Variants in ADAMTS2 observed in about 807,000 individuals in gnomAD.
ADAMTS2 encodes A disintegrin and metalloproteinase with thrombospondin motifs 2.
ADAMTS2 carries 50 observed loss-of-function variants against 123.0 expected under a neutral mutation model. The ratio of observed to expected loss-of-function variants is 0.41; its 90% CI spans 0.32 to 0.51. The LOEUF (loss-of-function observed/expected upper bound fraction) is 0.51. Ranked by LOEUF, ADAMTS2 falls within the 20% of genes least tolerant of loss-of-function variation. The pLI is 0.35. For missense variants in ADAMTS2, 1,494 were observed against 1,705.2 expected (o/e 0.88, Z 2.18); for synonymous variants, 678 against 695.4 (o/e 0.98, Z 0.39).
chr5:179,235,382 G>A (rs552857335), intron 3 of ADAMTS2, among the ~76,000 whole-genome samples: 135 of 152,358 alleles, frequency 8.9e-4, no homozygotes, highest in Non-Finnish European at 1.5e-3. Flanking sequence ...GAAATGCTCA[G>A]GGTGTGTGGG....
intron 1 of ADAMTS2, among the ~76,000 whole-genome samples, chr5:179,344,635 G>A (rs1757886739): frequency 6.6e-6 from 1 of 152,230 alleles, no homozygotes; most frequent in South Asian, 2.1e-4. Context: ...CCGGAGCGGC[G>A]GAGTCTCGGC....
At chr5:179,213,951 G>A (rs1764917933) in intron 3 of ADAMTS2, among the ~76,000 whole-genome samples, 1 of 152,218 alleles carries the variant, frequency 6.6e-6, no homozygotes, top group South Asian at 2.1e-4. Context: ...GGTAGGGATA[G>A]AAACTATTTG....
Position 179,111,272 on chromosome 5 carries a change from G to T in ADAMTS2, c.*2595C>A, listed in dbSNP as rs188054405. 1 of 152,200 alleles carries T rather than the reference G, an allele frequency of 6.6e-6. No homozygotes were observed. Among genetic ancestry groups the T allele is most frequent in the Admixed American group, 6.5e-5 (1 of 15,276 alleles). The allele number at this position is 152,200 out of a possible 1,614,324, so 9.4% of individuals were successfully genotyped here. A position where few individuals can be genotyped will look rare whatever the true frequency, so the allele number is the denominator to read the frequency against. On this transcript the variant is annotated 3_prime_UTR_variant, in exon 22 of 22. Transcript: ENST00000251582. ...GCGGAAGGTCTGAGTCTCATCATGC[G>T]GTTAGAAACTCAGCTAGAAGACATC...
chr5:179,329,820 C>G (rs1581282274), intron 2 of ADAMTS2, among the ~76,000 whole-genome samples: 1 of 152,162 alleles, frequency 6.6e-6, no homozygotes. Flanking sequence ...GCCGTAACCA[C>G]CAGCCATTAA....
At chr5:179,278,832 C>T (rs1052675154) in intron 2 of ADAMTS2, among the ~76,000 whole-genome samples, 3 of 151,824 alleles carry the variant, frequency 2.0e-5, no homozygotes, top group African/African-American at 7.3e-5. Flanking sequence ...AGTTACACAA[C>T]GCCTGCCCTG....
intron 4 of ADAMTS2, among the ~76,000 whole-genome samples, chr5:179,186,210 C>A (rs1397227302): frequency 6.6e-6 from 1 of 152,104 alleles, no homozygotes; most frequent in Non-Finnish European, 1.5e-5. Context: ...TCTCAGCAGC[C>A]CCTCCCAGCA....
rs899365896 is a variant in ADAMTS2, at chr5:179,110,954, A to C, written c.*2913T>G. On this transcript the variant is annotated 3_prime_UTR_variant, in exon 22 of 22. Transcript: ENST00000251582. Reference sequence around the variant, plus strand: ...AGATGTATTGGTTGTTGTATCGGTAAGCCAGAATTTTGTGATTTGAGTTCA... The same window carrying C: ...AGATGTATTGGTTGTTGTATCGGTACGCCAGAATTTTGTGATTTGAGTTCA... The C allele has an allele frequency of 6.6e-6, 1 of 152,208 alleles. No homozygotes were observed. The highest frequency in any genetic ancestry group is 2.4e-5 in the African/African-American group (1 of 41,448). The allele number at this position is 152,208 out of a possible 1,614,324, so 9.4% of individuals were successfully genotyped here.
intron 21 of ADAMTS2, among the ~76,000 whole-genome samples, chr5:179,116,060 C>A (rs957944782): frequency 1.3e-5 from 2 of 152,102 alleles, no homozygotes; most frequent in Admixed American, 1.3e-4. Flanking sequence ...GTGTTTCAGG[C>A]ACACAAGCCA....
At position 179,132,264 on chromosome 5, in the gene ADAMTS2, G is replaced by A. The variant is rs746318802; in HGVS notation, c.2256C>T (p.Leu752=). The A allele has an allele frequency of 2.5e-6, 4 of 1,614,212 alleles. No individual in the cohort carries two copies. Among genetic ancestry groups the A allele is most frequent in the Non-Finnish European group, 3.4e-6 (4 of 1,180,036 alleles). ...GGCTGGTGGCGTCTACCTCCTGAAT[G>A]AGCAGGTGTCTGGCTCCTGCAGGGA... is the stretch of plus-strand genomic sequence containing the variant. The part of the protein sequence containing the change: ...FEIPAGARHL[L]IQEVDATSHH... The change falls in exon 15 of 22, where the codon CTC becomes CTT. Residue 752 remains leucine (L), a synonymous_variant. Transcript: ENST00000251582. The surrounding 1 kb of genome is among the most constrained non-coding windows in gnomAD (Gnocchi z 6.1).
intron 3 of ADAMTS2, among the ~76,000 whole-genome samples, chr5:179,221,149 G>A (rs1327986537): frequency 6.6e-6 from 1 of 152,186 alleles, no homozygotes; most frequent in Non-Finnish European, 1.5e-5. Flanking sequence ...AGGAGGAAGA[G>A]TTCCTCAGAT....
chr5:179,341,581 C>T (rs1017538251), intron 2 of ADAMTS2, among the ~76,000 whole-genome samples: 5 of 151,848 alleles, frequency 3.3e-5, no homozygotes, highest in Non-Finnish European at 5.9e-5. Flanking sequence ...CACGTGGTGG[C>T]AGGCGCCTGT....
rs59809475 is a variant in ADAMTS2, at chr5:179,202,897, A to G, written c.891+4616T>C. Among the ~76,000 whole-genome samples the G allele has an allele frequency of 0.24, 36,477 of 152,072 alleles. 4,653 individuals carry two copies. Among genetic ancestry groups the G allele is most frequent in the Middle Eastern group, 0.33 (97 of 294 alleles). ...GGTGACCCAGGTCACTTCCTTTCAC[A>G]CAGGCCACTAGGCAAAACTGGCCAT... On this transcript the variant is annotated intron_variant, in intron 4 of 21. Transcript: ENST00000251582. This position sits in a 1 kb window ranked among gnomAD's most constrained non-coding sequence, Gnocchi z 4.0.
chr5:179,311,990 A>G (rs1464110544), intron 2 of ADAMTS2, among the ~76,000 whole-genome samples: 1 of 152,146 alleles, frequency 6.6e-6, no homozygotes, highest in Non-Finnish European at 1.5e-5. Flanking sequence ...GGGAGGAGGG[A>G]GAAGGGGCAT....
rs556175435 is a variant in ADAMTS2 at position 179,292,990 on chromosome 5, G to A, written c.535-19926C>T. On this transcript the variant is annotated intron_variant, in intron 2 of 21. Coordinates refer to ENST00000251582, the MANE Select transcript of ADAMTS2 (RefSeq NM_014244.5). ...GAGGTTGTCAGGAGCTACGCTGGCC[G>A]GTCCCCTGGGCTTGGGACATCCTCT... Among the ~76,000 whole-genome samples, 17 of 152,312 alleles carry A rather than the reference G, an allele frequency of 1.1e-4. 1 individual carries two copies. Among genetic ancestry groups the A allele is most frequent in the Middle Eastern group, 3.4e-3 (1 of 292 alleles).
intron 2 of ADAMTS2, among the ~76,000 whole-genome samples, chr5:179,276,846 TGCCACAG>T: frequency 6.6e-6 from 1 of 152,262 alleles, no homozygotes; most frequent in Admixed American, 6.5e-5. Flanking sequence ...GAGCCATCGA[TGCCACAG>T]GCCTGAGGCC....
intron 2 of ADAMTS2, 73 bp from the exon 3 acceptor site, chr5:179,273,137 C>T (rs1182137366): frequency 6.2e-7 from 1 of 1,606,710 alleles, no homozygotes; most frequent in East Asian, 2.2e-5. Context: ...CGAGGAGACC[C>T]CCTCAGGGAG....
At chr5:179,152,344 A>G (rs1162457544) in intron 9 of ADAMTS2, 89 bp from the exon 10 acceptor site, 2 of 1,253,798 alleles carry the variant, frequency 1.6e-6, no homozygotes, top group East Asian at 4.9e-5. Flanking sequence ...GGAACCTGAG[A>G]TGCCCCAGTG....
intron 5 of ADAMTS2, among the ~76,000 whole-genome samples, chr5:179,169,717 C>T (rs929521984): frequency 6.6e-6 from 1 of 152,158 alleles, no homozygotes; most frequent in African/African-American, 2.4e-5. Flanking sequence ...ACTCTAAATC[C>T]TCTACCCTAT....
chr5:179,202,890 C>G lies in ADAMTS2; in HGVS notation c.891+4623G>C, dbSNP rs1295110715. ...GTCCACAGGTGACCCAGGTCACTTC[C>G]TTTCACACAGGCCACTAGGCAAAAC... On this transcript the variant is annotated intron_variant, in intron 4 of 21. Transcript: ENST00000251582. This position sits in a 1 kb window ranked among gnomAD's most constrained non-coding sequence, Gnocchi z 4.0. Among the ~76,000 whole-genome samples the G allele has an allele frequency of 2.0e-5, 3 of 152,310 alleles. No individual in the cohort carries two copies. The East Asian group carries it at 5.8e-4, about 29-fold the overall frequency.
Sources: gnomAD v4.1 joint callset for allele counts (sites outside exome capture counted in the v4.1 genomes callset) on GRCh38, gnomAD v4.1.1 for gene constraint, Gnocchi (gnomAD v3.1) non-coding constraint, MANE v1.5 for transcripts, NCBI Gene and HGNC (gene_info 2026-07-23, HGNC 2026-07-21) for gene names.